EIF3L: variants seen among roughly 807,000 people sequenced by gnomAD.
The protein encoded by EIF3L is eIEF associated protein HSPC021.
Under a neutral mutation model 74.6 loss-of-function variants are expected in EIF3L, and 32 were observed. That is an observed-to-expected ratio of 0.43 (90% CI 0.32 to 0.58). The LOEUF (loss-of-function observed/expected upper bound fraction) is 0.58. Ranked by LOEUF, EIF3L falls within the 20% of genes least tolerant of loss-of-function variation. The pLI is 0.06. For synonymous variants in EIF3L, 256 were observed against 254.4 expected (o/e 1.01, Z -0.06); for missense variants, 474 against 707.8 (o/e 0.67, Z 3.75).
At chr22:37,871,716 A>C (rs1287504168) in intron 8 of EIF3L, among the ~76,000 whole-genome samples, 1 of 151,860 alleles carries the variant, frequency 6.6e-6, no homozygotes, top group African/African-American at 2.4e-5. Context: ...AAAAATACAA[A>C]AAATTAGCCG....
intron 7 of EIF3L, among the ~76,000 whole-genome samples, chr22:37,866,172 G>A (rs1188284215): frequency 6.6e-6 from 1 of 152,210 alleles, no homozygotes; most frequent in Admixed American, 6.5e-5. Flanking sequence ...AAACATGACT[G>A]TATAAAGAGA....
intron 1 of EIF3L, 130 bp from the exon 2 acceptor site, chr22:37,849,885 C>T (rs931604927): frequency 1.5e-5 from 14 of 952,154 alleles, no homozygotes; most frequent in Non-Finnish European, 2.2e-5. Flanking sequence ...CGTGTGAGTT[C>T]CTCAAAGGCA....
intron 10 of EIF3L, chr22:37,877,144 C>T (rs923463908): frequency 6.5e-6 from 1 of 155,002 alleles, no homozygotes; most frequent in African/African-American, 2.4e-5. Flanking sequence ...CCTATGGCTC[C>T]TTGGCTACAA....
chr22:37,849,876 G>A (rs772707509), intron 1 of EIF3L, 139 bp from the exon 2 acceptor site: 17 of 860,896 alleles, frequency 2.0e-5, no homozygotes, highest in Middle Eastern at 2.3e-4. Context: ...TCTCTAAGGC[G>A]TGTGAGTTCC....
intron 9 of EIF3L, among the ~76,000 whole-genome samples, chr22:37,875,528 C>T (rs1487614459): frequency 1.3e-5 from 2 of 152,176 alleles, no homozygotes; most frequent in Non-Finnish European, 2.9e-5. Context: ...GTGTTTCTGT[C>T]TTCCCTGTCC....
chr22:37,877,543 A>C, intron 10 of EIF3L, 131 bp from the exon 11 acceptor site: 1 of 1,084,386 alleles, frequency 9.2e-7, no homozygotes, highest in Non-Finnish European at 1.3e-6. Flanking sequence ...ATGTTGGGGA[A>C]GTTCAATGGC....
At chr22:37,861,877 C>T (rs1051862845) in intron 5 of EIF3L, among the ~76,000 whole-genome samples, 1 of 152,140 alleles carries the variant, frequency 6.6e-6, no homozygotes, top group Admixed American at 6.6e-5. Context: ...TCAGCAGAAG[C>T]TTATTGATGC....
At chr22:37,878,824 G>T (rs1351601111) in intron 11 of EIF3L, 1 of 152,244 alleles carries the variant, frequency 6.6e-6, no homozygotes, top group Non-Finnish European at 1.5e-5. Context: ...CAGAGTAAAG[G>T]AAGGCAGAGG....
intron 7 of EIF3L, among the ~76,000 whole-genome samples, 159 bp downstream of exon 7, chr22:37,863,504 G>A (rs560505219): frequency 7.2e-4 from 110 of 152,318 alleles, no homozygotes; most frequent in African/African-American, 2.6e-3. Flanking sequence ...GCTTTCGGAA[G>A]AGGCAGGGAA....
chr22:37,853,746 G>A (rs1925351846), intron 3 of EIF3L, among the ~76,000 whole-genome samples: 1 of 152,060 alleles, frequency 6.6e-6, no homozygotes, highest in African/African-American at 2.4e-5. Flanking sequence ...GGGGATATTT[G>A]CCCTTTTTTT....
intron 5 of EIF3L, among the ~76,000 whole-genome samples, chr22:37,861,697 A>G (rs1184285207): frequency 6.6e-6 from 1 of 152,026 alleles, no homozygotes; most frequent in Non-Finnish European, 1.5e-5. Flanking sequence ...AAAAAAAAAA[A>G]GTAAAGATTC....
chr22:37,858,668 A>G lies in EIF3L; in HGVS notation c.374-11A>G, dbSNP rs1601758172. On this transcript the variant is annotated splice_polypyrimidine_tract_variant and intron_variant, in intron 4 of 12. Transcript: ENST00000652021. ...ATGGTTAGTGAAGCACCCTTCTGCC[A>G]TCTCTTTCAGATGCTGTCTTCCTGA... is the stretch of plus-strand genomic sequence containing the variant. The G allele has an allele frequency of 6.2e-7, 1 of 1,610,280 alleles. No individual in the cohort carries two copies. The highest frequency in any genetic ancestry group is 8.5e-7 in the Non-Finnish European group (1 of 1,178,904).
At chr22:37,850,252 T>C (rs2146005254) in intron 2 of EIF3L, among the ~76,000 whole-genome samples, 189 bp downstream of exon 2, 1 of 152,302 alleles carries the variant, frequency 6.6e-6, no homozygotes, top group Middle Eastern at 3.4e-3. Context: ...TCCACCTCAG[T>C]CTTGGAAGAG....
In EIF3L at chr22:37,858,019, T is replaced by A. The variant is rs189601112; in HGVS notation, c.374-660T>A. 4.2e-3 allele frequency among the ~76,000 whole-genome samples: 636 copies of A among 151,634 alleles called. 3 individuals carry two copies. Among genetic ancestry groups the A allele is most frequent in the African/African-American group, 0.014 (582 of 41,378 alleles). On this transcript the variant is annotated intron_variant, in intron 4 of 12. Coordinates refer to ENST00000652021, the MANE Select transcript of EIF3L (RefSeq NM_016091.4). ...ACCCCCTTCTCTACAAAAAATTTTTTAAAAAAATTATCCAGGCATGGTGGC... is the reference window on the plus strand; with the variant it reads ...ACCCCCTTCTCTACAAAAAATTTTTAAAAAAAATTATCCAGGCATGGTGGC...
intron 12 of EIF3L, chr22:37,888,089 A>G (rs1927413992): frequency 8.2e-6 from 2 of 243,274 alleles, no homozygotes; most frequent in Admixed American, 5.5e-5. Flanking sequence ...GCTGTCTTCT[A>G]ACAAGGATCC....
intron 8 of EIF3L, among the ~76,000 whole-genome samples, chr22:37,872,210 G>A (rs1409041920): frequency 6.6e-6 from 1 of 151,664 alleles, no homozygotes; most frequent in Non-Finnish European, 1.5e-5. Flanking sequence ...CTCTGCCTCC[G>A]GGGTTCAAGC....
At chr22:37,858,629 G>A (rs767146611) in intron 4 of EIF3L, 50 bp from the exon 5 acceptor site, 1 of 1,542,976 alleles carries the variant, frequency 6.5e-7, no homozygotes, top group Non-Finnish European at 8.9e-7. Context: ...AAGCTGCCAG[G>A]ATACCCCAGT....
intron 1 of EIF3L, 188 bp downstream of exon 1, chr22:37,849,670 G>A: frequency 1.5e-6 from 1 of 658,924 alleles, no homozygotes; most frequent in Non-Finnish European, 2.6e-6. Flanking sequence ...CACTTCGCGT[G>A]TTCGATTGGC....
intron 7 of EIF3L, among the ~76,000 whole-genome samples, chr22:37,869,150 A>T (rs1440023161): frequency 6.6e-6 from 1 of 152,036 alleles, no homozygotes; most frequent in East Asian, 1.9e-4. Flanking sequence ...GTGTTTTGAG[A>T]CAGAGTTTTA....
Sources: allele counts gnomAD v4.1 joint callset (sites outside exome capture counted in the v4.1 genomes callset), GRCh38; gene constraint gnomAD v4.1.1; transcripts MANE v1.5; gene names NCBI Gene and HGNC (gene_info 2026-07-23, HGNC 2026-07-21).